Variants in RXRA observed in about 807,000 individuals in gnomAD.
RXRA encodes the protein retinoic acid receptor RXR-alpha.
A neutral mutation model predicts 44.5 loss-of-function variants in RXRA; 5 were observed. The ratio of observed to expected loss-of-function variants is 0.11; its 90% CI spans 0.06 to 0.24. RXRA has a LOEUF of 0.24. RXRA is among the 10% of genes least tolerant of loss of function. RXRA has a pLI of 1.00. For synonymous variants in RXRA, 291 were observed against 271.4 expected (o/e 1.07, Z -0.71); for missense variants, 412 against 646.5 (o/e 0.64, Z 3.93).
intron 1 of RXRA, among the ~76,000 whole-genome samples, chr9:134,389,048 A>T (rs1830762342): frequency 1.3e-5 from 2 of 152,076 alleles, no homozygotes; most frequent in African/African-American, 4.8e-5. Context: ...CTCCCTGCCA[A>T]GCTCTGGTCC....
Position 134,365,237 on chromosome 9 carries a change from G to A in RXRA, c.29-36395G>A, listed in dbSNP as rs569156129. Among the ~76,000 whole-genome samples the A allele has an allele frequency of 1.1e-4, 17 of 152,356 alleles. No homozygotes were observed. In the East Asian group the frequency reaches 2.9e-3, roughly 26 times the overall value. On this transcript the variant is annotated intron_variant, in intron 1 of 9. Coordinates refer to ENST00000481739, the MANE Select transcript of RXRA (RefSeq NM_002957.6). This position sits in a 1 kb window ranked among gnomAD's most constrained non-coding sequence, Gnocchi z 4.0. ...TTCTCTTGAGGGCCCCTGTCTTACG[G>A]ATGAGGAGATAGAGGTTGAGGATCA...
At chr9:134,373,431 GTT>G (rs1165153643) in intron 1 of RXRA, among the ~76,000 whole-genome samples, 3 of 152,224 alleles carry the variant, frequency 2.0e-5, no homozygotes, top group Admixed American at 6.5e-5. Flanking sequence ...CCAACCCTGT[GTT>G]TTCCCAGGCC....
intron 1 of RXRA, among the ~76,000 whole-genome samples, chr9:134,353,567 C>A (rs2119047802): frequency 6.6e-6 from 1 of 152,348 alleles, no homozygotes; most frequent in East Asian, 1.9e-4. Context: ...TTCCACGGCC[C>A]CACGAGTCCA....
At chr9:134,415,977 C>T (rs1273119087) in intron 4 of RXRA, among the ~76,000 whole-genome samples, 3 of 152,276 alleles carry the variant, frequency 2.0e-5, no homozygotes, top group South Asian at 2.1e-4. Flanking sequence ...TGTGAGTGCC[C>T]GCCCTGTGGG....
chr9:134,338,330 A>G (rs62576308), intron 1 of RXRA, among the ~76,000 whole-genome samples: 11,878 of 152,316 alleles, frequency 0.078, 551 homozygotes, highest in Middle Eastern at 0.13. Context: ...CTAAAGAACA[A>G]ATGCCAGCTG....
chr9:134,358,123 G>A (rs1365706883), intron 1 of RXRA, among the ~76,000 whole-genome samples: 2 of 152,254 alleles, frequency 1.3e-5, no homozygotes, highest in Non-Finnish European at 2.9e-5. Flanking sequence ...GCTGCTGCTG[G>A]GTGTGCCACC....
chr9:134,326,615 A>T lies in RXRA; in HGVS notation c.-17A>T. The T allele has an allele frequency of 1.1e-6, 1 of 945,438 alleles. No individual in the cohort carries two copies. The highest frequency in any genetic ancestry group is 1.2e-6 in the Non-Finnish European group (1 of 803,268). 58.6% of individuals were successfully genotyped at this position (945,438 alleles called of 1,614,324 possible). ...CCGCTGCCTGCGCCGCCGGCCGGGCATGAGTTAGTCGCAGACATGGACACC... is the reference window on the plus strand; with the variant it reads ...CCGCTGCCTGCGCCGCCGGCCGGGCTTGAGTTAGTCGCAGACATGGACACC... On this transcript the variant is annotated 5_prime_UTR_variant, in exon 1 of 10. An upstream start codon of the reference 5' UTR is lost. Coordinates refer to ENST00000481739, the MANE Select transcript of RXRA (RefSeq NM_002957.6).
chr9:134,417,045 C>T lies in RXRA; in HGVS notation c.611-113C>T. 1 of 1,116,068 alleles carries T rather than the reference C, an allele frequency of 9.0e-7. No individual in the cohort carries two copies. Among genetic ancestry groups the T allele is most frequent in the Non-Finnish European group, 1.3e-6 (1 of 785,136 alleles). 69.1% of individuals were successfully genotyped at this position (1,116,068 alleles called of 1,614,324 possible). The stretch of plus-strand genomic sequence containing the variant: ...CCATCACCCAGTGCTGGTGGGGATG[C>T]TGGTGTTGTGGGTGAGTTGGCTGGG... On this transcript the variant is annotated intron_variant, in intron 4 of 9. Transcript: ENST00000481739. The surrounding 1 kb of genome is among the most constrained non-coding windows in gnomAD (Gnocchi z 6.1).
chr9:134,369,031 T>TGGGGGGG (rs1354783512), intron 1 of RXRA, among the ~76,000 whole-genome samples: 2 of 37,204 alleles, frequency 5.4e-5, no homozygotes, highest in Non-Finnish European at 9.2e-5. Flanking sequence ...GTTATGTGTG[T>TGGGGGGG]GTGGGGGGTT....
chr9:134,414,142 T>C (rs1018045311), intron 4 of RXRA, among the ~76,000 whole-genome samples: 39 of 152,384 alleles, frequency 2.6e-4, no homozygotes, highest in African/African-American at 8.4e-4. Flanking sequence ...TTTATAATGA[T>C]GCTGGGCAGA....
At chr9:134,383,512 C>T (rs1376859226) in intron 1 of RXRA, among the ~76,000 whole-genome samples, 2 of 152,156 alleles carry the variant, frequency 1.3e-5, no homozygotes, top group Non-Finnish European at 2.9e-5. Context: ...CATGAGACCG[C>T]ACCACTTAGC....
intron 1 of RXRA, among the ~76,000 whole-genome samples, chr9:134,351,439 A>C (rs958649746): frequency 6.6e-6 from 1 of 152,180 alleles, no homozygotes; most frequent in Non-Finnish European, 1.5e-5. Context: ...CTGTTCCTCC[A>C]GACAGTCCTG....
At position 134,421,636 on chromosome 9, in the gene RXRA, T is replaced by C. The variant is rs1564294337; in HGVS notation, c.781-40T>C. ...GGCTGTGTTTGGTCAGTACACTGGCTTCTGGGACTGAATGTCCTGCTCTTC... is the reference window on the plus strand; with the variant it reads ...GGCTGTGTTTGGTCAGTACACTGGCCTCTGGGACTGAATGTCCTGCTCTTC... On this transcript the variant is annotated intron_variant, in intron 5 of 9. Transcript: ENST00000481739. 1.9e-6 allele frequency: 3 copies of C among 1,544,878 alleles called. No individual in the cohort carries two copies. In the African/African-American group the frequency reaches 4.1e-5, roughly 21 times the overall value.
At position 134,369,700 on chromosome 9, in the gene RXRA, T is replaced by C. The variant is rs553336604; in HGVS notation, c.29-31932T>C. ...GGCCTGGGTTTGAGGTCTGACCTGCTCGGTGGCCTTGGCGTGTTGAGGCCT... is the reference window on the plus strand; with the variant it reads ...GGCCTGGGTTTGAGGTCTGACCTGCCCGGTGGCCTTGGCGTGTTGAGGCCT... On this transcript the variant is annotated intron_variant, in intron 1 of 9. Coordinates refer to ENST00000481739, the MANE Select transcript of RXRA (RefSeq NM_002957.6). 2.0e-5 allele frequency among the ~76,000 whole-genome samples: 3 copies of C among 152,128 alleles called. No individual in the cohort carries two copies. In the East Asian group the frequency reaches 5.8e-4, roughly 29 times the overall value.
At chr9:134,367,887 C>T (rs767147982) in intron 1 of RXRA, among the ~76,000 whole-genome samples, 7 of 152,260 alleles carry the variant, frequency 4.6e-5, no homozygotes, top group Non-Finnish European at 8.8e-5. Flanking sequence ...TTTGTGCTGA[C>T]CCTGCAGGAA....
rs79336626 is a variant in RXRA, at chr9:134,423,258, C to T, written c.910+1453C>T. 3.1e-3 allele frequency: 3,007 copies of T among 985,438 alleles called. 3 individuals are homozygous for T. Among genetic ancestry groups the T allele is most frequent in the Non-Finnish European group, 3.4e-3 (2,859 of 829,918 alleles). The allele number at this position is 985,438 out of a possible 1,614,324, so 61.0% of individuals were successfully genotyped here. On this transcript the variant is annotated intron_variant, in intron 6 of 9. Transcript: ENST00000481739. ...GCCCAGGTCTGCCCTCACTGCCCGA[C>T]GATGGTGCTGGTCACTGTCCCATGT...
intron 6 of RXRA, chr9:134,422,023 C>T (rs112042222): frequency 4.9e-6 from 7 of 1,442,466 alleles, no homozygotes; most frequent in East Asian, 5.9e-5. Context: ...CACACTCCCC[C>T]CTCCCTGGAT....
At chr9:134,355,918 G>A (rs527360128) in intron 1 of RXRA, among the ~76,000 whole-genome samples, 3 of 152,208 alleles carry the variant, frequency 2.0e-5, no homozygotes, top group South Asian at 2.1e-4. Context: ...CAGGGTCTGC[G>A]CCCAGGTGTC....
intron 1 of RXRA, among the ~76,000 whole-genome samples, chr9:134,392,798 C>T (rs913816272): frequency 3.1e-4 from 47 of 152,212 alleles, no homozygotes; most frequent in African/African-American, 7.2e-4. Context: ...TTTGGCCGTG[C>T]GGGTTGCACC....
Sources: gnomAD v4.1 joint callset for allele counts (sites outside exome capture counted in the v4.1 genomes callset) on GRCh38, gnomAD v4.1.1 for gene constraint, Gnocchi (gnomAD v3.1) non-coding constraint, MANE v1.5 for transcripts, NCBI Gene and HGNC (gene_info 2026-07-23, HGNC 2026-07-21) for gene names.